The following PRIM2 variants were observed in gnomAD, a reference collection of about 807,000 sequenced individuals.
The protein encoded by PRIM2 is DNA primase subunit 2, also known as DNA primase large subunit.
A neutral mutation model predicts 67.3 loss-of-function variants in PRIM2; 39 were observed. That is an observed-to-expected ratio of 0.58 (90% CI 0.45 to 0.76). The LOEUF is 0.76. Among genes scored for constraint, PRIM2 ranks in the 30% least tolerant of loss-of-function variants. PRIM2 has a pLI of 0.00. For synonymous variants in PRIM2, 143 were observed against 198.7 expected, an observed-to-expected ratio of 0.72 and a Z score of 2.36; for missense variants, 398 against 598.7, an observed-to-expected ratio of 0.66 and a Z score of 3.50.
At chr6:57,629,888 T>C (rs1475512745) in intron 12 of PRIM2, among the ~76,000 whole-genome samples, 1 of 151,828 alleles carries the variant, frequency 6.6e-6, no homozygotes, top group South Asian at 2.1e-4. Flanking sequence ...AAACTATATA[T>C]TCATTAGTTG....
intron 10 of PRIM2, among the ~76,000 whole-genome samples, chr6:57,584,519 G>C (rs1286955912): frequency 1.3e-5 from 2 of 152,224 alleles, no homozygotes; most frequent in South Asian, 2.1e-4. Context: ...ACTGTGTCTT[G>C]ACCTTGCCCC....
At chr6:57,521,807 A>G (rs1774630073) in intron 8 of PRIM2, among the ~76,000 whole-genome samples, 1 of 152,168 alleles carries the variant, frequency 6.6e-6, no homozygotes, top group Admixed American at 6.5e-5. Context: ...AATATGTTTT[A>G]TATGTTATTG....
the PRIM2 span, among the ~76,000 whole-genome samples, chr6:57,261,269 G>A: frequency 6.6e-6 from 1 of 152,180 alleles, no homozygotes; most frequent in Non-Finnish European, 1.5e-5. Flanking sequence ...ACTGCCTAAA[G>A]CTTAAGGGAC....
At chr6:57,269,027 C>A in the PRIM2 span, among the ~76,000 whole-genome samples, 4 of 151,880 alleles carry the variant, frequency 2.6e-5, no homozygotes, top group Middle Eastern at 3.4e-3. Context: ...TTAATCCAGT[C>A]TATCATTGTT....
upstream of PRIM2, among the ~76,000 whole-genome samples, chr6:57,315,799 C>A (rs115320460): frequency 0.013 from 2,036 of 152,026 alleles, 24 homozygotes; most frequent in Non-Finnish European, 0.02. Context: ...TTTTTATGGT[C>A]AAGTCTTTAT....
intron 7 of PRIM2, among the ~76,000 whole-genome samples, chr6:57,437,505 T>C (rs1038133001): frequency 6.6e-6 from 1 of 152,186 alleles, no homozygotes; most frequent in Non-Finnish European, 1.5e-5. Context: ...AGAGCTGAGG[T>C]GACAGAGGTA....
At chr6:57,310,516 C>A (rs1054797657), upstream of PRIM2, among the ~76,000 whole-genome samples, 1 of 152,244 alleles carries the variant, frequency 6.6e-6, no homozygotes, top group South Asian at 2.1e-4. Context: ...CTTTTCTTTT[C>A]GACAAAACCA....
the PRIM2 span, among the ~76,000 whole-genome samples, chr6:57,236,025 T>C: frequency 6.6e-6 from 1 of 152,206 alleles, no homozygotes. Flanking sequence ...TTCTGACCTC[T>C]AGAATGAAAA....
intron 7 of PRIM2, among the ~76,000 whole-genome samples, chr6:57,465,375 G>A (rs1446556799): frequency 1.2e-4 from 19 of 152,324 alleles, no homozygotes; most frequent in African/African-American, 4.6e-4. Flanking sequence ...TTAGGCAGGA[G>A]CAGCAGCTAT....
intron 9 of PRIM2, among the ~76,000 whole-genome samples, chr6:57,534,384 T>C (rs1426248687): frequency 1.3e-5 from 2 of 152,242 alleles, no homozygotes; most frequent in Admixed American, 1.3e-4. Context: ...ATTGTTGTTA[T>C]TGTTCTTGGC....
the PRIM2 span, among the ~76,000 whole-genome samples, chr6:57,225,485 G>T: frequency 6.6e-6 from 1 of 152,194 alleles, no homozygotes; most frequent in Non-Finnish European, 1.5e-5. Flanking sequence ...AATAGCAACA[G>T]AATTAACCTA....
intron 7 of PRIM2, among the ~76,000 whole-genome samples, chr6:57,385,063 TATC>T (rs1770094498): frequency 6.6e-6 from 1 of 152,216 alleles, no homozygotes; most frequent in African/African-American, 2.4e-5. Context: ...ATTTGTGATT[TATC>T]ATCCCAATAT....
At position 57,320,557 on chromosome 6, in the gene PRIM2, C is replaced by T. The variant is rs772184875; in HGVS notation, c.255C>T (p.Tyr85=). The part of the protein sequence containing the change: ...ESELRKLKFS[Y]RENLEDEYEP... ...AGCTTCGGAAGCTCAAGTTTTCCTA[C>T]AGAGTAAGTAAAAAAGGAAAAAAAA... is the stretch of plus-strand genomic sequence containing the variant. The change falls in exon 3 of 14, where the codon TAC becomes TAT. Residue 85 remains tyrosine, a synonymous_variant. Transcript: ENST00000615550. 10 of 1,593,378 alleles carry T rather than the reference C, an allele frequency of 6.3e-6. No individual in the cohort carries two copies. The highest frequency in any genetic ancestry group is 6.8e-6 in the Non-Finnish European group (8 of 1,171,796).
At chr6:57,268,581 T>C in the PRIM2 span, among the ~76,000 whole-genome samples, 22 of 152,258 alleles carry the variant, frequency 1.4e-4, no homozygotes, top group African/African-American at 5.3e-4. Context: ...ATTACAAGGA[T>C]ATATATGTAT....
chr6:57,638,812 G>A (rs1349719738), intron 13 of PRIM2, among the ~76,000 whole-genome samples: 1 of 151,946 alleles, frequency 6.6e-6, no homozygotes, highest in East Asian at 1.9e-4. Context: ...AATAATAGTG[G>A]GAGACTTTAA....
At chr6:57,618,717 A>C (rs1582023226) in intron 12 of PRIM2, among the ~76,000 whole-genome samples, 1 of 152,098 alleles carries the variant, frequency 6.6e-6, no homozygotes, top group African/African-American at 2.4e-5. Context: ...TCCTAGGTGC[A>C]CAACTCCAGT....
At chr6:57,371,614 C>T (rs1441613839) in intron 5 of PRIM2, among the ~76,000 whole-genome samples, 6 of 152,074 alleles carry the variant, frequency 3.9e-5, no homozygotes, top group East Asian at 1.9e-4. Flanking sequence ...GTGGGGAACA[C>T]AGAGATGTAT....
intron 7 of PRIM2, among the ~76,000 whole-genome samples, chr6:57,486,295 G>A (rs1179626938): frequency 0.016 from 2,384 of 152,354 alleles, 47 homozygotes; most frequent in African/African-American, 0.043. Flanking sequence ...TTATTGGAAC[G>A]TTAAGCTTGT....
intron 5 of PRIM2, among the ~76,000 whole-genome samples, chr6:57,356,555 C>T (rs1366163110): frequency 6.6e-6 from 1 of 152,114 alleles, no homozygotes; most frequent in Non-Finnish European, 1.5e-5. Context: ...ACTTGAAATA[C>T]TAGAGTCTTA....
Sources: gnomAD v4.1 joint callset for allele counts (sites outside exome capture counted in the v4.1 genomes callset) on GRCh38, gnomAD v4.1.1 for gene constraint, MANE v1.5 for transcripts, NCBI Gene and HGNC (gene_info 2026-07-23, HGNC 2026-07-21) for gene names.